The following GRID1 variants were observed in gnomAD, a reference collection of about 807,000 sequenced individuals.
GRID1 encodes the protein glutamate receptor ionotropic, delta-1.
Under a neutral mutation model 98.0 loss-of-function variants are expected in GRID1, and 28 were observed. The observed-to-expected ratio is 0.29, with a 90% CI of 0.21 to 0.39. GRID1 has a LOEUF of 0.39. Ranked by LOEUF, GRID1 falls within the 10% of genes least tolerant of loss-of-function variation. The probability of loss-of-function intolerance (pLI) is 1.00; values close to 1 mark genes in which losing one functional copy is unlikely to be tolerated. For missense variants in GRID1, 1,111 were observed against 1,340.5 expected, an observed-to-expected ratio of 0.83 and a Z score of 2.67; for synonymous variants, 553 against 538.5, an observed-to-expected ratio of 1.03 and a Z score of -0.37.
intron 2 of GRID1, among the ~76,000 whole-genome samples, chr10:86,362,196 C>T (rs1437879515): frequency 6.6e-6 from 1 of 152,198 alleles, no homozygotes; most frequent in Non-Finnish European, 1.5e-5. Flanking sequence ...TTTGTGGAAC[C>T]AGTGTCAAGG....
At chr10:86,031,316 C>T (rs1039069714) in intron 4 of GRID1, among the ~76,000 whole-genome samples, 5 of 152,118 alleles carry the variant, frequency 3.3e-5, no homozygotes, top group African/African-American at 1.2e-4. Context: ...AAACAGAAAA[C>T]CAAATATGGC....
chr10:85,606,417 G>A (rs1057312132), intron 15 of GRID1: 16 of 152,152 alleles, frequency 1.1e-4, no homozygotes, highest in Admixed American at 5.9e-4. Flanking sequence ...GCTCCAACAC[G>A]AGGACAAACC....
intron 8 of GRID1, among the ~76,000 whole-genome samples, chr10:85,733,840 C>T (rs1004392029): frequency 7.2e-5 from 11 of 151,736 alleles, no homozygotes; most frequent in Non-Finnish European, 2.9e-5. Flanking sequence ...GGAGAAGACA[C>T]GTTAAAATGT....
At chr10:85,650,061 G>T (rs985880138) in intron 12 of GRID1, 2 of 152,166 alleles carry the variant, frequency 1.3e-5, no homozygotes, top group African/African-American at 4.8e-5. Flanking sequence ...GGCTATCTGG[G>T]GTGTTGAACA....
rs963174756 is a variant in GRID1 at position 85,787,874 on chromosome 10, C to T, written c.1234-58260G>A. Among the ~76,000 whole-genome samples the T allele has an allele frequency of 2.6e-5, 4 of 152,086 alleles. No homozygotes were observed. The East Asian group carries it at 7.8e-4, about 29-fold the overall frequency. On this transcript the variant is annotated intron_variant, in intron 8 of 15. Transcript: ENST00000327946. ...CTCCGGTTTCTTTCTACTCCCGATG[C>T]TTCTGCTCCTGGGACTGAGAAGGTC... is the stretch of plus-strand genomic sequence containing the variant.
intron 2 of GRID1, among the ~76,000 whole-genome samples, chr10:86,215,578 C>T (rs181756416): frequency 1.3e-3 from 191 of 152,226 alleles, no homozygotes; most frequent in African/African-American, 4.3e-3. Flanking sequence ...AGTGATGAGT[C>T]CTGGGCATGC....
intron 1 of GRID1, 41 bp from the exon 2 acceptor site, chr10:86,364,137 C>A: frequency 6.3e-7 from 1 of 1,579,680 alleles, no homozygotes; most frequent in Non-Finnish European, 8.7e-7. Context: ...TGGACAAGAA[C>A]CCTCTCCCCG....
intron 4 of GRID1, among the ~76,000 whole-genome samples, chr10:86,044,729 C>T (rs1843397524): frequency 2.6e-5 from 4 of 152,188 alleles, no homozygotes; most frequent in Admixed American, 2.0e-4. Flanking sequence ...TTCCAGGCTT[C>T]GGGGGACCTT....
chr10:86,088,795 G>C (rs879343061), intron 4 of GRID1, among the ~76,000 whole-genome samples: 1 of 152,230 alleles, frequency 6.6e-6, no homozygotes, highest in Admixed American at 6.5e-5. Context: ...CTCAGGACCT[G>C]AGGAATGACA....
chr10:86,076,342 GAT>G (rs1317165066), intron 4 of GRID1, among the ~76,000 whole-genome samples: 5 of 152,256 alleles, frequency 3.3e-5, no homozygotes, highest in Non-Finnish European at 7.3e-5. Context: ...ATGAAGATAT[GAT>G]AAAAATGTGG....
intron 12 of GRID1, among the ~76,000 whole-genome samples, chr10:85,656,714 A>T (rs533660163): frequency 6.6e-6 from 1 of 152,232 alleles, no homozygotes; most frequent in Non-Finnish European, 1.5e-5. Flanking sequence ...TGTATCGCAC[A>T]TACAAATTTC....
At chr10:86,047,992 A>G (rs1381314642) in intron 4 of GRID1, among the ~76,000 whole-genome samples, 4 of 152,150 alleles carry the variant, frequency 2.6e-5, no homozygotes, top group African/African-American at 7.2e-5. Flanking sequence ...TGATGTGGCA[A>G]TGCGGTGACT....
At chr10:85,656,792 A>G (rs1840900227) in intron 12 of GRID1, among the ~76,000 whole-genome samples, 1 of 152,180 alleles carries the variant, frequency 6.6e-6, no homozygotes, top group Admixed American at 6.5e-5. Context: ...TTCACTCTGC[A>G]TCTTATCTGG....
chr10:85,751,962 A>T (rs980492659), intron 8 of GRID1, among the ~76,000 whole-genome samples: 1 of 152,302 alleles, frequency 6.6e-6, no homozygotes, highest in South Asian at 2.1e-4. Flanking sequence ...GAAAGTAACC[A>T]TCCCCATATT....
intron 2 of GRID1, among the ~76,000 whole-genome samples, chr10:86,276,147 G>A (rs182632227): frequency 3.5e-4 from 53 of 152,312 alleles, no homozygotes; most frequent in African/African-American, 1.1e-3. Flanking sequence ...TCACAGTCTG[G>A]AAGATAGAAA....
chr10:86,120,399 C>T (rs1264652925), intron 4 of GRID1, among the ~76,000 whole-genome samples: 1 of 152,174 alleles, frequency 6.6e-6, no homozygotes, highest in African/African-American at 2.4e-5. Context: ...AGAGGACGCC[C>T]TCACAATCCC....
intron 3 of GRID1, among the ~76,000 whole-genome samples, chr10:86,167,533 G>C (rs1270172052): frequency 6.6e-6 from 1 of 152,250 alleles, no homozygotes; most frequent in African/African-American, 2.4e-5. Flanking sequence ...TGGGGACAGT[G>C]GTTGCTGGGG....
chr10:85,859,419 G>GGATGGATGGATGGATGCATGGAGTGATT (rs1843144057), intron 6 of GRID1, among the ~76,000 whole-genome samples: 1 of 151,928 alleles, frequency 6.6e-6, no homozygotes, highest in African/African-American at 2.4e-5. Context: ...ATGGACGGAT[G>GGATGGATGGATGGATGCATGGAGTGATT]GATGGATGGA....
chr10:86,232,787 A>G (rs981186528), intron 2 of GRID1, among the ~76,000 whole-genome samples: 7 of 152,106 alleles, frequency 4.6e-5, no homozygotes, highest in South Asian at 4.1e-4. Context: ...TTTTTTTTTA[A>G]GAAACGACTG....
Sources: allele counts gnomAD v4.1 joint callset (sites outside exome capture counted in the v4.1 genomes callset), GRCh38; gene constraint gnomAD v4.1.1; transcripts MANE v1.5; gene names NCBI Gene and HGNC (gene_info 2026-07-23, HGNC 2026-07-21).